The following ACTN1 variants were observed in gnomAD, a reference collection of about 807,000 sequenced individuals.
ACTN1 encodes the protein actinin alpha 1, also known as alpha-actinin-1.
A neutral mutation model predicts 119.6 loss-of-function variants in ACTN1; 30 were observed. That is an observed-to-expected ratio of 0.25 (90% CI 0.19 to 0.34). The LOEUF (loss-of-function observed/expected upper bound fraction) is 0.34. Ranked by LOEUF, ACTN1 falls within the 10% of genes least tolerant of loss-of-function variation. The pLI is 1.00. For synonymous variants in ACTN1, 429 were observed against 472.6 expected (o/e 0.91, Z 1.20); for missense variants, 764 against 1,223.4 (o/e 0.62, Z 5.60).
At chr14:68,978,306 T>G (rs561509645) in intron 1 of ACTN1, 1 of 436,794 alleles carries the variant, frequency 2.3e-6, no homozygotes, top group East Asian at 7.0e-5. Flanking sequence ...TAAAACGGTC[T>G]GCTGTCCTGA....
At chr14:68,920,942 G>A in intron 3 of ACTN1, 64 bp downstream of exon 3, 1 of 1,592,918 alleles carries the variant, frequency 6.3e-7, no homozygotes, top group Non-Finnish European at 8.6e-7. Flanking sequence ...GCACAAAAAA[G>A]GCCAAGAGAA....
intron 8 of ACTN1, among the ~76,000 whole-genome samples, chr14:68,899,751 G>C (rs575838943): frequency 6.6e-6 from 1 of 152,202 alleles, no homozygotes; most frequent in Non-Finnish European, 1.5e-5. Context: ...CATGAAGCCC[G>C]GGACAGACCC....
intron 1 of ACTN1, among the ~76,000 whole-genome samples, chr14:68,961,482 C>T (rs1267383079): frequency 6.6e-6 from 1 of 152,150 alleles, no homozygotes; most frequent in African/African-American, 2.4e-5. Context: ...GCAAGTAAGG[C>T]AAGCAGAGGC....
chr14:68,894,431 A>G (rs1019400724), intron 8 of ACTN1, among the ~76,000 whole-genome samples: 1 of 152,120 alleles, frequency 6.6e-6, no homozygotes, highest in Admixed American at 6.6e-5. Flanking sequence ...GCTAGCAGGG[A>G]CCCAAGATGG....
rs202102201 is a variant in ACTN1 at position 68,892,233 on chromosome 14, G to C, written c.906C>G (p.Pro302=). 6.2e-7 allele frequency: 1 copy of C among 1,614,074 alleles called. No individual in the cohort carries two copies. The highest frequency in any genetic ancestry group is 1.7e-5 in the Admixed American group (1 of 60,020). Residue 302 remains proline, a synonymous_variant, in exon 10 of 22, where the codon CCC becomes CCG. Transcript: ENST00000394419. ...RTIPWLENRV[P]ENTMHAMQQK... Reference sequence around the variant, plus strand: ...GTTGCATGGCATGCATGGTGTTCTCGGGCACCCGGTTCTCCAGCCACGGGA... The same window carrying C: ...GTTGCATGGCATGCATGGTGTTCTCCGGCACCCGGTTCTCCAGCCACGGGA...
chr14:68,878,951 C>T lies in ACTN1; in HGVS notation c.2361+38G>A, dbSNP rs369685335. ...AAAACGCATTATTTCTTGCCCCAGA[C>T]GCCACCCCTGAGCGTGCTCCATGCA... is the stretch of plus-strand genomic sequence containing the variant. On this transcript the variant is annotated intron_variant, in intron 19 of 21. Transcript: ENST00000394419. This position sits in a 1 kb window ranked among gnomAD's most constrained non-coding sequence, Gnocchi z 4.4. 226 of 1,612,758 alleles carry T rather than the reference C, an allele frequency of 1.4e-4. No individual in the cohort carries two copies. The highest frequency in any genetic ancestry group is 1.7e-4 in the Admixed American group (10 of 59,942).
intron 1 of ACTN1, among the ~76,000 whole-genome samples, chr14:68,937,256 AG>A (rs1387975343): frequency 6.6e-6 from 1 of 152,142 alleles, no homozygotes; most frequent in East Asian, 1.9e-4. Flanking sequence ...AAAAAAGAAA[AG>A]TCTGTCTGGG....
At chr14:68,971,853 G>A (rs1240885089) in intron 1 of ACTN1, among the ~76,000 whole-genome samples, 7 of 152,274 alleles carry the variant, frequency 4.6e-5, no homozygotes, top group Admixed American at 3.3e-4. Context: ...TGCAATGTAC[G>A]CCCGATTTCC....
At chr14:68,886,629 A>G (rs2032034239) in intron 11 of ACTN1, 1 of 152,230 alleles carries the variant, frequency 6.6e-6, no homozygotes, top group Non-Finnish European at 1.5e-5. Flanking sequence ...CCCCATGTCT[A>G]CTAAAAATAC....
At chr14:68,897,997 C>G (rs572043465) in intron 8 of ACTN1, among the ~76,000 whole-genome samples, 11 of 152,394 alleles carry the variant, frequency 7.2e-5, no homozygotes, top group African/African-American at 1.7e-4. Context: ...GCCTTCCCCC[C>G]ACAGACCTCA....
chr14:68,890,778 C>A (rs570722533), intron 10 of ACTN1, among the ~76,000 whole-genome samples: 20 of 152,310 alleles, frequency 1.3e-4, no homozygotes, highest in African/African-American at 4.6e-4. Context: ...CCTACAGAGA[C>A]CCCGGCCTGG....
chr14:68,927,351 C>T (rs540291286), intron 1 of ACTN1, among the ~76,000 whole-genome samples: 1 of 152,336 alleles, frequency 6.6e-6, no homozygotes, highest in Admixed American at 6.5e-5. Context: ...TCCACACCCC[C>T]AGCCTGGGAG....
intron 1 of ACTN1, among the ~76,000 whole-genome samples, chr14:68,934,227 C>A (rs2035373161): frequency 6.6e-6 from 1 of 152,214 alleles, no homozygotes; most frequent in Non-Finnish European, 1.5e-5. Context: ...GCTGTGCCTA[C>A]CACAGTTAAC....
At chr14:68,917,138 C>T (rs2034341703) in intron 3 of ACTN1, among the ~76,000 whole-genome samples, 1 of 152,184 alleles carries the variant, frequency 6.6e-6, no homozygotes, top group Admixed American at 6.5e-5. Context: ...TCACCCAGGC[C>T]AATTCCATGA....
rs552645195 is a variant in ACTN1 at position 68,878,623 on chromosome 14, G to A, written c.2362-100C>T. ...GAAGACAGGAACAGATGGCCAGAAC[G>A]GGGATGAGATTTATGGTTTTGGGGG... On this transcript the variant is annotated intron_variant, in intron 19 of 21. Coordinates refer to ENST00000394419, the MANE Select transcript of ACTN1 (RefSeq NM_001130004.2). The surrounding 1 kb of genome is among the most constrained non-coding windows in gnomAD (Gnocchi z 4.4). The A allele has an allele frequency of 1.7e-4, 271 of 1,574,088 alleles. No homozygotes were observed. The African/African-American group carries it at 3.0e-3, about 17-fold the overall frequency.
chr14:68,931,769 A>T (rs922191277), intron 1 of ACTN1, among the ~76,000 whole-genome samples: 3 of 152,214 alleles, frequency 2.0e-5, no homozygotes, highest in Non-Finnish European at 2.9e-5. Context: ...AATGGGAGCT[A>T]CTATTCTTAG....
intron 6 of ACTN1, among the ~76,000 whole-genome samples, chr14:68,905,603 G>C (rs1007615581): frequency 7.9e-5 from 12 of 152,182 alleles, no homozygotes; most frequent in African/African-American, 2.9e-4. Context: ...ACATACAATG[G>C]AATATTATTC....
intron 1 of ACTN1, among the ~76,000 whole-genome samples, chr14:68,968,988 A>C (rs1045750332): frequency 2.0e-5 from 3 of 152,160 alleles, no homozygotes; most frequent in African/African-American, 7.2e-5. Flanking sequence ...TCTGGGGAAA[A>C]GGCATCAGGT....
At chr14:68,902,430 C>G in intron 8 of ACTN1, 47 bp downstream of exon 8, 1 of 1,520,924 alleles carries the variant, frequency 6.6e-7, no homozygotes, top group Non-Finnish European at 9.1e-7. Context: ...GTTTGGGGTC[C>G]AGCAGGAGGT....
Sources: gnomAD v4.1 joint callset for allele counts (sites outside exome capture counted in the v4.1 genomes callset) on GRCh38, gnomAD v4.1.1 for gene constraint, Gnocchi (gnomAD v3.1) non-coding constraint, MANE v1.5 for transcripts, NCBI Gene and HGNC (gene_info 2026-07-23, HGNC 2026-07-21) for gene names.